MAML3: variants seen among roughly 807,000 people sequenced by gnomAD.
MAML3 encodes mastermind-like protein 3.
In MAML3, 27 loss-of-function variants were observed where a neutral mutation model predicts 101.9. The ratio of observed to expected loss-of-function variants is 0.27; its 90% CI spans 0.20 to 0.37. The LOEUF (loss-of-function observed/expected upper bound fraction) is 0.37, where lower values mean the gene tolerates loss of function less well. MAML3 is among the 10% of genes least tolerant of loss of function. The probability of loss-of-function intolerance (pLI) is 1.00; values close to 1 mark genes in which losing one functional copy is unlikely to be tolerated. For missense variants in MAML3, 1,316 were observed against 1,444.9 expected, an observed-to-expected ratio of 0.91 and a Z score of 1.45; for synonymous variants, 501 against 555.9, an observed-to-expected ratio of 0.90 and a Z score of 1.39.
chr4:140,133,628 A>G (rs1173747964), intron 1 of MAML3, among the ~76,000 whole-genome samples: 2 of 152,170 alleles, frequency 1.3e-5, no homozygotes, highest in African/African-American at 4.8e-5. Flanking sequence ...TAACCGTGGA[A>G]GATTATATTT....
At chr4:139,768,430 T>C (rs954618531) in intron 2 of MAML3, among the ~76,000 whole-genome samples, 3 of 152,236 alleles carry the variant, frequency 2.0e-5, no homozygotes, top group African/African-American at 7.2e-5. Context: ...CTGATAAGTA[T>C]CTTGATTCTC....
chr4:140,041,774 A>G (rs1727089987), intron 1 of MAML3, among the ~76,000 whole-genome samples: 1 of 152,178 alleles, frequency 6.6e-6, no homozygotes. Flanking sequence ...ACATGGGGAA[A>G]ATATTTTTTT....
At chr4:139,975,749 G>A (rs1734327692) in intron 1 of MAML3, among the ~76,000 whole-genome samples, 1 of 152,172 alleles carries the variant, frequency 6.6e-6, no homozygotes. Flanking sequence ...TAACCTCACA[G>A]ATTGAACTGC....
intron 1 of MAML3, among the ~76,000 whole-genome samples, chr4:140,059,888 T>C (rs746483155): frequency 2.6e-5 from 4 of 152,192 alleles, no homozygotes; most frequent in Non-Finnish European, 5.9e-5. Context: ...TCTAAAGCAT[T>C]GGCAAAAATG....
chr4:140,041,247 A>T (rs1727081126), intron 1 of MAML3, among the ~76,000 whole-genome samples: 1 of 152,176 alleles, frequency 6.6e-6, no homozygotes, highest in African/African-American at 2.4e-5. Flanking sequence ...TATACATACC[A>T]CTGGATAAAT....
rs944180850 is a variant in MAML3, at chr4:139,719,189, T to C, written c.*134A>G. The C allele has an allele frequency of 6.8e-6, 7 of 1,024,728 alleles. No individual in the cohort carries two copies. The highest frequency in any genetic ancestry group is 1.8e-5 in the South Asian group (1 of 54,978). 63.5% of individuals were successfully genotyped at this position (1,024,728 alleles called of 1,614,324 possible). A position where few individuals can be genotyped will look rare whatever the true frequency, so the allele number is the denominator to read the frequency against. On this transcript the variant is annotated 3_prime_UTR_variant, in exon 5 of 5. Coordinates refer to ENST00000509479, the MANE Select transcript of MAML3 (RefSeq NM_018717.5). ...TGTGGATTGGCACCTGGATCTTCCA[T>C]TGTCAGCCAGCTGCAGTTTTGCTCA...
chr4:139,915,102 T>C (rs1733002116), intron 1 of MAML3, among the ~76,000 whole-genome samples: 1 of 152,210 alleles, frequency 6.6e-6, no homozygotes, highest in African/African-American at 2.4e-5. Flanking sequence ...AACTCCCATA[T>C]TACAAAGACA....
At chr4:139,852,418 T>G (rs867879225) in intron 2 of MAML3, among the ~76,000 whole-genome samples, 59 of 130,712 alleles carry the variant, frequency 4.5e-4, no homozygotes, top group African/African-American at 1.7e-3. Context: ...TTTTTTTTTT[T>G]TTTTTTTTTT....
At chr4:139,824,194 T>C (rs1731021420) in intron 2 of MAML3, among the ~76,000 whole-genome samples, 1 of 152,188 alleles carries the variant, frequency 6.6e-6, no homozygotes, top group African/African-American at 2.4e-5. Flanking sequence ...TGATCTATGA[T>C]TCGAGAATAT....
chr4:140,015,664 T>C (rs781027952), intron 1 of MAML3, among the ~76,000 whole-genome samples: 3 of 152,114 alleles, frequency 2.0e-5, no homozygotes, highest in Non-Finnish European at 4.4e-5. Flanking sequence ...ATTAAAAGTA[T>C]ACAGATGGGC....
chr4:140,095,008 G>A (rs922285362), intron 1 of MAML3, among the ~76,000 whole-genome samples: 3 of 152,186 alleles, frequency 2.0e-5, no homozygotes, highest in African/African-American at 4.8e-5. Flanking sequence ...TCAGCAGGAC[G>A]GATCCAAGCC....
At chr4:140,047,431 T>C (rs1165678987) in intron 1 of MAML3, among the ~76,000 whole-genome samples, 1 of 152,118 alleles carries the variant, frequency 6.6e-6, no homozygotes, top group Non-Finnish European at 1.5e-5. Flanking sequence ...CTTGGCGGAA[T>C]TGCAGCGCCC....
chr4:140,104,574 C>A (rs1162246781), intron 1 of MAML3, among the ~76,000 whole-genome samples: 4 of 147,248 alleles, frequency 2.7e-5, no homozygotes, highest in South Asian at 2.1e-4. Context: ...CTGGGCTCAA[C>A]CTCCACTTCC....
intron 2 of MAML3, among the ~76,000 whole-genome samples, chr4:139,827,757 G>A (rs747166979): frequency 3.9e-5 from 6 of 152,170 alleles, no homozygotes; most frequent in South Asian, 2.1e-4. Context: ...TCTAAGCCAC[G>A]ATTTAAAATG....
At chr4:140,076,495 C>T (rs1429521235) in intron 1 of MAML3, among the ~76,000 whole-genome samples, 1 of 152,220 alleles carries the variant, frequency 6.6e-6, no homozygotes, top group Non-Finnish European at 1.5e-5. Context: ...CCATCCTGTA[C>T]TGACTCTGCA....
chr4:139,815,880 A>G (rs1213327945), intron 2 of MAML3, among the ~76,000 whole-genome samples: 9 of 152,220 alleles, frequency 5.9e-5, no homozygotes, highest in African/African-American at 1.9e-4. Flanking sequence ...TAACACAGCA[A>G]CAATACGGAC....
intron 1 of MAML3, among the ~76,000 whole-genome samples, chr4:139,896,607 GGT>G (rs113274639): frequency 7.6e-5 from 11 of 144,660 alleles, no homozygotes; most frequent in African/African-American, 1.6e-4. Context: ...CTGTGAAACT[GGT>G]GTGTGTGTGT....
At chr4:139,822,117 T>G (rs1423928041) in intron 2 of MAML3, among the ~76,000 whole-genome samples, 4 of 151,984 alleles carry the variant, frequency 2.6e-5, no homozygotes, top group African/African-American at 9.7e-5. Context: ...AGGATCAACA[T>G]TATCACCATC....
At chr4:140,022,815 C>T (rs558820648) in intron 1 of MAML3, among the ~76,000 whole-genome samples, 1 of 152,230 alleles carries the variant, frequency 6.6e-6, no homozygotes, top group South Asian at 2.1e-4. Flanking sequence ...ACTACTAACT[C>T]AATAGAAGAA....
Sources: allele counts gnomAD v4.1 joint callset (sites outside exome capture counted in the v4.1 genomes callset), GRCh38; gene constraint gnomAD v4.1.1; transcripts MANE v1.5; gene names NCBI Gene and HGNC (gene_info 2026-07-23, HGNC 2026-07-21).